Variants in ZNF780A observed in about 807,000 individuals in gnomAD.
ZNF780A encodes the protein zinc finger protein 780A.
ZNF780A carries 40 observed loss-of-function variants against 56.7 expected under a neutral mutation model. The ratio of observed to expected loss-of-function variants is 0.71; its 90% confidence interval spans 0.55 to 0.92. The LOEUF (loss-of-function observed/expected upper bound fraction) is 0.92, where lower values mean the gene tolerates loss of function less well. Ranked by LOEUF, ZNF780A falls within the 40% of genes least tolerant of loss-of-function variation. ZNF780A has a pLI of 0.00. For missense variants in ZNF780A, 672 were observed against 783.3 expected (o/e 0.86, Z 1.70); for synonymous variants, 231 against 248.3 (o/e 0.93, Z 0.66).
At chr19:40,080,807 G>A (rs997864086) in intron 5 of ZNF780A, among the ~76,000 whole-genome samples, 4 of 151,934 alleles carry the variant, frequency 2.6e-5, no homozygotes, top group Admixed American at 2.0e-4. Context: ...ACCCACTTAT[G>A]TACCCCTTGG....
intron 2 of ZNF780A, among the ~76,000 whole-genome samples, chr19:40,085,886 A>G (rs1363547631): frequency 6.6e-6 from 1 of 151,932 alleles, no homozygotes; most frequent in Admixed American, 6.6e-5. Context: ...ATAAAAAAAA[A>G]TTGTAACTAC....
At chr19:40,070,909 G>A (rs1973796442), downstream of ZNF780A, 1 of 151,880 alleles carries the variant, frequency 6.6e-6, no homozygotes, top group East Asian at 1.9e-4. Flanking sequence ...AATCTGTTGA[G>A]TTCAAAAAAG....
At chr19:40,083,066 T>TAA in intron 4 of ZNF780A, 45 bp downstream of exon 4, 1 of 1,613,910 alleles carries the variant, frequency 6.2e-7, no homozygotes, top group Non-Finnish European at 8.5e-7. Flanking sequence ...AAAGCTGATA[T>TAA]TCCAGAAAAT....
Position 40,075,922 on chromosome 19 carries a change from A to C in ZNF780A, c.520T>G (p.Phe174Val), listed in dbSNP as rs1254795770. The C allele has an allele frequency of 6.2e-7, 1 of 1,614,038 alleles. No individual in the cohort carries two copies. ...PYECKECGKY[F>V]SRSANLIQHQ... ...TGAATAAGATTTGCACTACGACTAAAGTATTTCCCACATTCCTTACATTCA... is the reference window on the plus strand; with the variant it reads ...TGAATAAGATTTGCACTACGACTAACGTATTTCCCACATTCCTTACATTCA... The change falls in exon 6 of 6, where the codon TTT becomes GTT. Residue 174 changes from phenylalanine to valine, a missense_variant. By Grantham distance (50) the Phe-to-Val change is conservative. Transcript: ENST00000683561.
At chr19:40,080,736 G>A (rs941304563) in intron 5 of ZNF780A, among the ~76,000 whole-genome samples, 8 of 152,060 alleles carry the variant, frequency 5.3e-5, no homozygotes, top group Admixed American at 1.3e-4. Flanking sequence ...GCTTATTACC[G>A]GGGTGGTGAA....
At chr19:40,089,741 C>G (rs1376778115) in intron 2 of ZNF780A, among the ~76,000 whole-genome samples, 2 of 152,124 alleles carry the variant, frequency 1.3e-5, no homozygotes, top group Non-Finnish European at 1.5e-5. Context: ...TGGAAAAATC[C>G]TGGCTCTTGT....
intron 1 of ZNF780A, 182 bp from the exon 2 acceptor site, chr19:40,090,417 G>A (rs1292733269): frequency 1.3e-5 from 2 of 152,258 alleles, no homozygotes. Context: ...TGGGGACAGA[G>A]CTCTGAGGAC....
At chr19:40,090,393 T>TC (rs1328391711) in intron 1 of ZNF780A, 158 bp from the exon 2 acceptor site, 5 of 152,188 alleles carry the variant, frequency 3.3e-5, no homozygotes, top group Admixed American at 6.5e-5. Context: ...TACAACCAGT[T>TC]TGGAGCTGGT....
At chr19:40,078,059 A>T (rs1177419576) in intron 5 of ZNF780A, among the ~76,000 whole-genome samples, 1 of 151,830 alleles carries the variant, frequency 6.6e-6, no homozygotes, top group African/African-American at 2.4e-5. Context: ...AAATCAGAAA[A>T]AAAAAACTCA....
intron 5 of ZNF780A, among the ~76,000 whole-genome samples, chr19:40,077,046 A>C (rs543580418): frequency 6.6e-6 from 1 of 152,072 alleles, no homozygotes; most frequent in Admixed American, 6.6e-5. Flanking sequence ...CCAGCATACC[A>C]CTACCACTGC....
At chr19:40,077,543 A>G (rs746125866) in intron 5 of ZNF780A, among the ~76,000 whole-genome samples, 1 of 151,740 alleles carries the variant, frequency 6.6e-6, no homozygotes, top group African/African-American at 2.4e-5. Flanking sequence ...TGATCCAATT[A>G]CCTCCCACCA....
intron 5 of ZNF780A, among the ~76,000 whole-genome samples, chr19:40,078,204 C>G (rs866721501): frequency 6.6e-6 from 1 of 151,784 alleles, no homozygotes; most frequent in African/African-American, 2.4e-5. Flanking sequence ...GTAGAAGAAT[C>G]TCAGAACATA....
downstream of ZNF780A, chr19:40,071,725 T>C (rs1251889113): frequency 3.3e-5 from 5 of 152,420 alleles, no homozygotes; most frequent in African/African-American, 1.2e-4. Context: ...TTAAATGTTT[T>C]CTGACAGTGA....
Position 40,080,886 on chromosome 19 carries a change from G to A in ZNF780A, c.232+933C>T, listed in dbSNP as rs79003760. Among the ~76,000 whole-genome samples the A allele has an allele frequency of 1.4e-3, 211 of 152,164 alleles. 1 individual carries two copies. Among genetic ancestry groups the A allele is most frequent in the African/African-American group, 5.0e-3 (208 of 41,510 alleles). On this transcript the variant is annotated intron_variant, in intron 5 of 5. Coordinates refer to ENST00000683561, the MANE Select transcript of ZNF780A (RefSeq NM_001142578.2). ...AATGGTGCTGGAAAACTGGATATCC[G>A]TATGTGATAGAATGAAACCAGACCC...
chr19:40,078,823 T>C (rs918496740), intron 5 of ZNF780A, among the ~76,000 whole-genome samples: 10 of 151,918 alleles, frequency 6.6e-5, no homozygotes, highest in Non-Finnish European at 1.5e-4. Context: ...CACAAAATTA[T>C]AAAACCCACT....
chr19:40,075,791 A>G lies in ZNF780A; in HGVS notation c.651T>C (p.Gly217=). 6.2e-7 allele frequency: 1 copy of G among 1,614,010 alleles called. No individual in the cohort carries two copies. The highest frequency in any genetic ancestry group is 1.3e-5 in the African/African-American group (1 of 75,022). ...ATTCGTTACATTCAAAAGGTTTCTCACCAGTATGAAATTTCTGATGTCGAG... is the reference window on the plus strand; with the variant it reads ...ATTCGTTACATTCAAAAGGTTTCTCGCCAGTATGAAATTTCTGATGTCGAG... ...QFTRHQKFHT[G]EKPFECNECG... Residue 217 remains glycine, a synonymous_variant, in exon 6 of 6, where the codon GGT becomes GGC. Transcript: ENST00000683561.
intron 2 of ZNF780A, 73 bp from the exon 3 acceptor site, chr19:40,084,871 G>A (rs1003293218): frequency 1.3e-5 from 20 of 1,510,408 alleles, no homozygotes; most frequent in African/African-American, 8.3e-5. Context: ...TTTATCCTCC[G>A]TTCCTATTTC....
Position 40,075,654 on chromosome 19 carries a change from T to C in ZNF780A, c.788A>G (p.Asn263Ser). The change falls in exon 6 of 6, where the codon AAC becomes AGC. Residue 263 changes from asparagine to serine, a missense_variant. Transcript: ENST00000683561. The part of the protein sequence containing the change: ...ECGKSFNRSS[N>S]LVQHQSIHSG... ...ATGAATACTCTGATGTTGAACAAGG[T>C]TTGAGCTACGATTAAAGGACTTCCC... 6.2e-7 allele frequency: 1 copy of C among 1,613,710 alleles called. No individual in the cohort carries two copies. Among genetic ancestry groups the C allele is most frequent in the Non-Finnish European group, 8.5e-7 (1 of 1,179,914 alleles).
intron 1 of ZNF780A, 28 bp downstream of exon 1, chr19:40,090,878 A>C (rs1055887250): frequency 6.6e-6 from 1 of 152,384 alleles, no homozygotes; most frequent in Non-Finnish European, 1.5e-5. Flanking sequence ...GCAGCCACAG[A>C]TCTCTTCCTC....
Sources: gnomAD v4.1 joint callset for allele counts (sites outside exome capture counted in the v4.1 genomes callset) on GRCh38, gnomAD v4.1.1 for gene constraint, MANE v1.5 for transcripts, NCBI Gene and HGNC (gene_info 2026-07-23, HGNC 2026-07-21) for gene names.